CENPE: variants seen among roughly 807,000 people sequenced by gnomAD.
The protein encoded by CENPE is centromere protein E.
In CENPE, 145 loss-of-function variants were observed where a neutral mutation model predicts 336.1. The observed-to-expected ratio is 0.43, with a 90% CI of 0.38 to 0.50. CENPE has a LOEUF of 0.50. Among genes scored for constraint, CENPE ranks in the 20% least tolerant of loss-of-function variants. The probability of loss-of-function intolerance (pLI) is 0.00; values close to 1 mark genes in which losing one functional copy is unlikely to be tolerated. For missense variants in CENPE, 2,719 were observed against 3,023.3 expected (o/e 0.90, Z 2.36); for synonymous variants, 1,013 against 984.8 (o/e 1.03, Z -0.54).
chr4:103,148,778 T>G (rs1753281839), intron 28 of CENPE, 66 bp downstream of exon 28: 2 of 1,451,192 alleles, frequency 1.4e-6, no homozygotes, highest in Non-Finnish European at 1.9e-6. Flanking sequence ...TTCTTACTGC[T>G]TATCTTTCCT....
intron 15 of CENPE, among the ~76,000 whole-genome samples, chr4:103,175,416 A>G (rs1023013508): frequency 3.9e-5 from 6 of 152,036 alleles, no homozygotes; most frequent in Admixed American, 2.0e-4. Flanking sequence ...ATTAGGAACA[A>G]AAAAACACTT....
chr4:103,132,160 C>T (rs1178395630), intron 42 of CENPE, among the ~76,000 whole-genome samples: 1 of 152,110 alleles, frequency 6.6e-6, no homozygotes, highest in Non-Finnish European at 1.5e-5. Context: ...ATGTGCCACC[C>T]TGATGTGGGC....
intron 14 of CENPE, 26 bp downstream of exon 14, chr4:103,176,873 T>C (rs1172471671): frequency 8.5e-6 from 13 of 1,526,020 alleles, no homozygotes; most frequent in Non-Finnish European, 1.1e-5. Flanking sequence ...TAATTAAACA[T>C]AGTTCCACTT....
At chr4:103,175,383 C>A (rs1014869185) in intron 15 of CENPE, among the ~76,000 whole-genome samples, 1 of 151,380 alleles carries the variant, frequency 6.6e-6, no homozygotes, top group Non-Finnish European at 1.5e-5. Context: ...GTAAAAAAAA[C>A]CCAAGAAACT....
At chr4:103,110,601 T>G (rs1749315977) in intron 47 of CENPE, among the ~76,000 whole-genome samples, 1 of 152,162 alleles carries the variant, frequency 6.6e-6, no homozygotes, top group African/African-American at 2.4e-5. Context: ...TTCTTTCCTA[T>G]TTCTTGCCTT....
intron 42 of CENPE, among the ~76,000 whole-genome samples, chr4:103,125,696 T>C (rs1274781515): frequency 6.6e-6 from 1 of 151,522 alleles, no homozygotes; most frequent in Non-Finnish European, 1.5e-5. Flanking sequence ...ACCCCGTCTC[T>C]ACTAAAAAAA....
At chr4:103,185,496 T>C (rs574001019) in intron 9 of CENPE, among the ~76,000 whole-genome samples, 1 of 152,154 alleles carries the variant, frequency 6.6e-6, no homozygotes, top group African/African-American at 2.4e-5. Context: ...TACCACATTA[T>C]CTTTCTTAAT....
In CENPE at chr4:103,159,212, T is replaced by G; in HGVS notation, c.2399A>C (p.Lys800Thr). The G allele has an allele frequency of 6.2e-7, 1 of 1,612,732 alleles. No homozygotes were observed. Among genetic ancestry groups the G allele is most frequent in the Non-Finnish European group, 8.5e-7 (1 of 1,179,164 alleles). Residue 800 changes from lysine (K) to threonine (T), a missense_variant, in exon 22 of 49, where the codon AAA becomes ACA. This residue lies in a region of CENPE where 2,437 missense variants were observed against 2,513.3 expected (regional missense o/e 0.97). Transcript: ENST00000265148. ...TGTAGTTGCTAGGTCATCTTTTGTT[T>G]TCCCAATTTCTTCAAGTAAACCTTG... ...RVQGLLEEIG[K>T]TKDDLATTQS...
chr4:103,147,468 T>G lies in CENPE; in HGVS notation c.4022A>C (p.Gln1341Pro). ...CTTGGTTAGAGATTTTATCTCTTCC[T>G]GACTTTCTTGAAATTTTTCATTCAA... ...LRLNEKFQES[Q>P]EEIKSLTKER... Residue 1341 changes from glutamine to proline, a missense_variant, in exon 29 of 49, where the codon CAG becomes CCG. This residue lies in a region of CENPE where 2,437 missense variants were observed against 2,513.3 expected (regional missense o/e 0.97). Transcript: ENST00000265148. 1 of 1,614,130 alleles carries G rather than the reference T, an allele frequency of 6.2e-7. No individual in the cohort carries two copies. The highest frequency in any genetic ancestry group is 2.2e-5 in the East Asian group (1 of 44,868).
chr4:103,146,506 C>A (rs1003837275), intron 29 of CENPE, among the ~76,000 whole-genome samples: 9 of 152,124 alleles, frequency 5.9e-5, no homozygotes, highest in Non-Finnish European at 8.8e-5. Context: ...TAACTGAGAT[C>A]TGAAGGATAA....
chr4:103,111,031 A>C lies in CENPE; in HGVS notation c.7541-20T>G. The stretch of plus-strand genomic sequence containing the variant: ...ATATCACTGTGGGAGGAAAATATAC[A>C]AATAGGTGATAATTTTAATTGTCTC... On this transcript the variant is annotated intron_variant, in intron 46 of 48. Coordinates refer to ENST00000265148, the MANE Select transcript of CENPE (RefSeq NM_001813.3). The C allele has an allele frequency of 6.6e-7, 1 of 1,512,052 alleles. No individual in the cohort carries two copies. Among genetic ancestry groups the C allele is most frequent in the Non-Finnish European group, 8.9e-7 (1 of 1,118,136 alleles). 93.7% of individuals were successfully genotyped at this position (1,512,052 alleles called of 1,614,324 possible).
At chr4:103,128,523 T>C (rs922569239) in intron 42 of CENPE, among the ~76,000 whole-genome samples, 1 of 152,126 alleles carries the variant, frequency 6.6e-6, no homozygotes, top group Non-Finnish European at 1.5e-5. Flanking sequence ...TCTGGACCAA[T>C]CATACCATTC....
intron 25 of CENPE, among the ~76,000 whole-genome samples, 161 bp from the exon 26 acceptor site, chr4:103,151,538 T>C (rs957597514): frequency 3.3e-5 from 5 of 152,210 alleles, no homozygotes; most frequent in African/African-American, 1.2e-4. Flanking sequence ...TTTAATAATA[T>C]AAGATGCCAA....
intron 46 of CENPE, among the ~76,000 whole-genome samples, chr4:103,112,699 T>G (rs868460685): frequency 1.5e-5 from 2 of 131,234 alleles, no homozygotes; most frequent in African/African-American, 5.6e-5. Flanking sequence ...TATATAAGTG[T>G]ATATATATAC....
chr4:103,151,985 G>A (rs773125064), intron 25 of CENPE, among the ~76,000 whole-genome samples: 16 of 152,116 alleles, frequency 1.1e-4, no homozygotes, highest in Non-Finnish European at 2.1e-4. Context: ...ACAAATGGTC[G>A]CATTCTACTA....
chr4:103,145,019 CAAAAAAAA>C (rs369959588), intron 32 of CENPE, 23 bp downstream of exon 32: 1 of 907,346 alleles, frequency 1.1e-6, no homozygotes, highest in African/African-American at 1.8e-5. Context: ...TTTCTGTATC[CAAAAAAAA>C]AAAAAATAAG....
chr4:103,197,475 G>C (rs1472232944), intron 1 of CENPE, among the ~76,000 whole-genome samples: 1 of 152,104 alleles, frequency 6.6e-6, no homozygotes, highest in Non-Finnish European at 1.5e-5. Context: ...TATCCTAATG[G>C]TTTCTTTATG....
At chr4:103,187,956 C>G (rs1756946068) in intron 8 of CENPE, among the ~76,000 whole-genome samples, 1 of 151,874 alleles carries the variant, frequency 6.6e-6, no homozygotes, top group South Asian at 2.1e-4. Context: ...GAAGATCTAC[C>G]AAGCAAATGG....
intron 44 of CENPE, among the ~76,000 whole-genome samples, chr4:103,119,127 T>C (rs1033925958): frequency 1.3e-5 from 2 of 152,154 alleles, no homozygotes; most frequent in African/African-American, 4.8e-5. Context: ...TGGCTTAATT[T>C]TTTCCATTTC....
Sources: allele counts gnomAD v4.1 joint callset (sites outside exome capture counted in the v4.1 genomes callset), GRCh38; gene constraint gnomAD v4.1.1; regional missense constraint gnomAD v4.1.1; transcripts MANE v1.5; gene names NCBI Gene and HGNC (gene_info 2026-07-23, HGNC 2026-07-21).